The following CEP170 variants were observed in gnomAD, a reference collection of about 807,000 sequenced individuals.
CEP170 encodes the protein centrosomal protein 170.
In CEP170, 21 loss-of-function variants were observed where a neutral mutation model predicts 151.9. The ratio of observed to expected loss-of-function variants is 0.14; its 90% CI spans 0.10 to 0.20. CEP170 has a LOEUF of 0.20. Ranked by LOEUF, CEP170 falls within the 10% of genes least tolerant of loss-of-function variation. The pLI, the probability that CEP170 is intolerant of heterozygous loss-of-function variation, is 1.00. For synonymous variants in CEP170, 356 were observed against 648.8 expected, an observed-to-expected ratio of 0.55 and a Z score of 6.86; for missense variants, 964 against 1,892.9, an observed-to-expected ratio of 0.51 and a Z score of 9.11.
chr1:243,223,862 A>G (rs570933977), intron 2 of CEP170, among the ~76,000 whole-genome samples: 70 of 152,026 alleles, frequency 4.6e-4, no homozygotes, highest in Non-Finnish European at 7.7e-4. Flanking sequence ...GCAGCCAATG[A>G]AAAAAAAATT....
At chr1:243,175,952 A>T (rs1184887741) in intron 10 of CEP170, among the ~76,000 whole-genome samples, 1 of 152,008 alleles carries the variant, frequency 6.6e-6, no homozygotes, top group Non-Finnish European at 1.5e-5. Context: ...GCCCGCCACT[A>T]CGCCTGGCTA....
intron 19 of CEP170, among the ~76,000 whole-genome samples, chr1:243,127,427 A>G (rs2053833218): frequency 6.6e-6 from 1 of 152,140 alleles, no homozygotes; most frequent in Admixed American, 6.6e-5. Context: ...GGCATTGGGC[A>G]GAGTAGGGAG....
chr1:243,156,456 C>A lies in CEP170; in HGVS notation c.3677-1G>T. On this transcript the variant is annotated splice_acceptor_variant, in intron 13 of 19. Transcript: ENST00000366542. LOFTEE classifies it high-confidence loss of function. ...GGAAAGCGCCTCCATCTTGAATTTA[C>A]TAAATTAGTTTAATTATTAAAAAAA... The A allele has an allele frequency of 6.5e-7, 1 of 1,535,828 alleles. No homozygotes were observed. The highest frequency in any genetic ancestry group is 8.8e-7 in the Non-Finnish European group (1 of 1,140,730).
At chr1:243,128,189 C>T (rs1281559207) in intron 19 of CEP170, 60 bp downstream of exon 19, 2 of 1,418,664 alleles carry the variant, frequency 1.4e-6, no homozygotes, top group Non-Finnish European at 1.9e-6. Context: ...AGAAATACCA[C>T]TCAGAAGGCA....
rs180715137 is a variant in CEP170 at position 243,245,345 on chromosome 1, T to A, written c.-42+9695A>T. ...CTGTAACCCCACCACTTTGGGATGC[T>A]GAGACAGGAAAACTGCTAGAGCCCA... On this transcript the variant is annotated intron_variant, in intron 1 of 19. Coordinates refer to ENST00000366542, the MANE Select transcript of CEP170 (RefSeq NM_014812.3). 3.3e-5 allele frequency among the ~76,000 whole-genome samples: 5 copies of A among 152,152 alleles called. No homozygotes were observed. The East Asian group carries it at 9.7e-4, about 29-fold the overall frequency.
rs74162260 is a variant in CEP170 at position 243,231,153 on chromosome 1, G to GCATCAT, written c.-41-5838_-41-5833dup. ...TATACCCAGCAAAACTATCTTTCAA[G>GCATCAT]CATCATCATCATCATCATCATCATC... On this transcript the variant is annotated intron_variant, in intron 1 of 19. Transcript: ENST00000366542. Among the ~76,000 whole-genome samples, 1,180 of 142,156 alleles carry GCATCAT rather than the reference G, an allele frequency of 8.3e-3. 8 individuals are homozygous for GCATCAT. The highest frequency in any genetic ancestry group is 0.021 in the African/African-American group (827 of 39,410). 93.3% of individuals were successfully genotyped at this position (142,156 alleles called of 152,430 possible). A position where few individuals can be genotyped will look rare whatever the true frequency, so the allele number is the denominator to read the frequency against.
At chr1:243,184,688 T>TA (rs2059829005) in intron 10 of CEP170, among the ~76,000 whole-genome samples, 1 of 152,050 alleles carries the variant, frequency 6.6e-6, no homozygotes, top group Non-Finnish European at 1.5e-5. Flanking sequence ...AAAATAAAAG[T>TA]AAACATTAAG....
In CEP170 at chr1:243,142,308, T is replaced by A. The variant is rs2055946105; in HGVS notation, c.4059+8A>T. 1 of 1,587,398 alleles carries A rather than the reference T, an allele frequency of 6.3e-7. No homozygotes were observed. Among genetic ancestry groups the A allele is most frequent in the Admixed American group, 1.9e-5 (1 of 53,686 alleles). ...AACCTTATGCATTTCTCCATGAAGATCTCCTACCTCTTCTCTAGTGTCTAT... is the reference window on the plus strand; with the variant it reads ...AACCTTATGCATTTCTCCATGAAGAACTCCTACCTCTTCTCTAGTGTCTAT... On this transcript the variant is annotated splice_region_variant and intron_variant, in intron 15 of 19. Transcript: ENST00000366542.
At chr1:243,196,924 G>A (rs2060692506) in intron 7 of CEP170, among the ~76,000 whole-genome samples, 1 of 152,070 alleles carries the variant, frequency 6.6e-6, no homozygotes, top group African/African-American at 2.4e-5. Flanking sequence ...GCAGGAATTA[G>A]CATAATTTAT....
chr1:243,215,146 C>G (rs955104024), intron 3 of CEP170, among the ~76,000 whole-genome samples: 4 of 152,166 alleles, frequency 2.6e-5, no homozygotes, highest in African/African-American at 9.7e-5. Flanking sequence ...TTGTGATTTC[C>G]TATGCCTGTC....
intron 1 of CEP170, among the ~76,000 whole-genome samples, chr1:243,238,784 G>T (rs1043063515): frequency 6.6e-6 from 1 of 152,140 alleles, no homozygotes; most frequent in Non-Finnish European, 1.5e-5. Flanking sequence ...AGTAATTTTT[G>T]GAATTTGAAC....
At chr1:243,180,521 C>T (rs2059554419) in intron 10 of CEP170, among the ~76,000 whole-genome samples, 1 of 152,238 alleles carries the variant, frequency 6.6e-6, no homozygotes, top group South Asian at 2.1e-4. Flanking sequence ...TCGTCAAAGT[C>T]TTCTCCTATT....
At chr1:243,247,881 AC>A (rs145780687) in intron 1 of CEP170, among the ~76,000 whole-genome samples, 143 of 152,288 alleles carry the variant, frequency 9.4e-4, no homozygotes, top group African/African-American at 3.2e-3. Context: ...CTGCAATTAT[AC>A]CTTTCATTTG....
chr1:243,132,112 T>TA lies in CEP170; in HGVS notation c.4320-2660dup. Among the ~76,000 whole-genome samples the TA allele has an allele frequency of 1.3e-5, 2 of 152,272 alleles. 1 individual carries two copies. Among genetic ancestry groups the TA allele is most frequent in the South Asian group, 4.1e-4 (2 of 4,824 alleles). Reference sequence around the variant, plus strand: ...TTCCACAGACAGTGTTCATACAATGTAAGTACGCATGCCTCTAGGATGAAC... The same window carrying TA: ...TTCCACAGACAGTGTTCATACAATGTAAAGTACGCATGCCTCTAGGATGAAC... On this transcript the variant is annotated intron_variant, in intron 17 of 19. Coordinates refer to ENST00000366542, the MANE Select transcript of CEP170 (RefSeq NM_014812.3).
At chr1:243,142,530 T>C in intron 14 of CEP170, 67 bp from the exon 15 acceptor site, 3 of 1,513,674 alleles carry the variant, frequency 2.0e-6, no homozygotes, top group Non-Finnish European at 2.7e-6. Context: ...CAATCATTTA[T>C]GAGATAATCA....
At chr1:243,159,763 T>TTGTGTGTGTGTGTGTGTGTGTGTGTG (rs565534328) in intron 13 of CEP170, among the ~76,000 whole-genome samples, 4,123 of 126,808 alleles carry the variant, frequency 0.033, 145 homozygotes, top group South Asian at 0.039. Context: ...GTTTCCGGTT[T>TTGTGTGTGTGTGTGTGTGTGTGTGTG]TGTGTGTGTG....
chr1:243,220,418 A>T (rs2062691451), intron 3 of CEP170, among the ~76,000 whole-genome samples: 1 of 152,220 alleles, frequency 6.6e-6, no homozygotes, highest in Admixed American at 6.5e-5. Flanking sequence ...AGAAAAAAAA[A>T]TGCTTGAATA....
chr1:243,200,740 AG>A, intron 5 of CEP170, 36 bp downstream of exon 5: 3 of 1,609,322 alleles, frequency 1.9e-6, no homozygotes, highest in Non-Finnish European at 2.5e-6. Context: ...CATAGTGAAG[AG>A]TAGATTTGCA....
chr1:243,153,638 AAT>A (rs896660563), intron 14 of CEP170, among the ~76,000 whole-genome samples: 76 of 152,338 alleles, frequency 5.0e-4, no homozygotes, highest in African/African-American at 1.8e-3. Context: ...TTACTAATAA[AAT>A]ATTTACTTGT....
Sources: allele counts gnomAD v4.1 joint callset (sites outside exome capture counted in the v4.1 genomes callset), GRCh38; gene constraint gnomAD v4.1.1; transcripts MANE v1.5; gene names NCBI Gene and HGNC (gene_info 2026-07-23, HGNC 2026-07-21).